CATSPERE: variants seen among roughly 807,000 people sequenced by gnomAD.
The protein encoded by CATSPERE is catsper channel auxiliary subunit epsilon.
Under a neutral mutation model 114.1 loss-of-function variants are expected in CATSPERE, and 93 were observed. That is an observed-to-expected ratio of 0.81 (90% CI 0.69 to 0.97). The LOEUF is 0.97. Ranked by LOEUF, CATSPERE falls within the 50% of genes least tolerant of loss-of-function variation. The pLI is 0.00. For missense variants in CATSPERE, 1,058 were observed against 1,131.6 expected (o/e 0.93, Z 0.93); for synonymous variants, 341 against 384.1 (o/e 0.89, Z 1.31).
intron 8 of CATSPERE, among the ~76,000 whole-genome samples, chr1:244,524,115 G>A (rs1205393485): frequency 6.6e-6 from 1 of 151,010 alleles, no homozygotes; most frequent in African/African-American, 2.5e-5. Flanking sequence ...AACCAAAACA[G>A]CATGGTATTG....
chr1:244,580,931 G>A (rs1666079403), intron 11 of CATSPERE, among the ~76,000 whole-genome samples: 1 of 152,072 alleles, frequency 6.6e-6, no homozygotes, highest in South Asian at 2.1e-4. Flanking sequence ...AACCTGGGAG[G>A]TGGAGGTTGT....
intron 12 of CATSPERE, among the ~76,000 whole-genome samples, chr1:244,582,509 T>G (rs1666339192): frequency 6.6e-6 from 1 of 152,030 alleles, no homozygotes; most frequent in Non-Finnish European, 1.5e-5. Flanking sequence ...TTCAAGTGAT[T>G]CTCCTGCCTC....
intron 13 of CATSPERE, among the ~76,000 whole-genome samples, chr1:244,584,201 A>ACT (rs1361937868): frequency 2.0e-5 from 3 of 152,108 alleles, no homozygotes; most frequent in Admixed American, 6.6e-5. Context: ...TTGTATGCCT[A>ACT]CTCTGTTTCT....
intron 7 of CATSPERE, among the ~76,000 whole-genome samples, chr1:244,508,831 TAA>T (rs960028586): frequency 2.8e-4 from 32 of 114,204 alleles, no homozygotes; most frequent in Admixed American, 5.5e-4. Flanking sequence ...ACCCTATCTC[TAA>T]AAAAAAAAAA....
At chr1:244,626,485 CAAA>C (rs35687880) in intron 20 of CATSPERE, among the ~76,000 whole-genome samples, 22 of 66,874 alleles carry the variant, frequency 3.3e-4, no homozygotes, top group African/African-American at 8.2e-4. Flanking sequence ...AATTCCATCT[CAAA>C]AAAAAAAAAA....
intron 8 of CATSPERE, among the ~76,000 whole-genome samples, chr1:244,542,966 AGTATTGGTAAAG>A (rs1171161094): frequency 1.3e-5 from 2 of 152,236 alleles, no homozygotes; most frequent in Non-Finnish European, 2.9e-5. Context: ...AAAGATAAGA[AGTATTGGTAAAG>A]ATGTGGATAA....
intron 5 of CATSPERE, among the ~76,000 whole-genome samples, chr1:244,481,312 G>A (rs1032957514): frequency 6.6e-5 from 10 of 152,086 alleles, no homozygotes; most frequent in African/African-American, 1.2e-4. Flanking sequence ...TTAGCCAGAT[G>A]TGGTGGCGGG....
intron 2 of CATSPERE, among the ~76,000 whole-genome samples, chr1:244,468,466 T>A (rs1398054276): frequency 6.6e-6 from 1 of 152,172 alleles, no homozygotes; most frequent in Non-Finnish European, 1.5e-5. Context: ...GCAGAAATGG[T>A]CCATCTTTAA....
At chr1:244,598,028 G>A (rs957929936) in intron 17 of CATSPERE, among the ~76,000 whole-genome samples, 7 of 152,120 alleles carry the variant, frequency 4.6e-5, no homozygotes, top group African/African-American at 1.4e-4. Context: ...GAACATGTGA[G>A]TCTTGCTTGG....
chr1:244,638,467 A>C (rs982080941), intron 21 of CATSPERE, among the ~76,000 whole-genome samples: 1 of 152,200 alleles, frequency 6.6e-6, no homozygotes, highest in African/African-American at 2.4e-5. Context: ...CCTGAGGCTC[A>C]GTCCTGTCCT....
In CATSPERE at chr1:244,560,718, C is replaced by G; in HGVS notation, c.1080C>G (p.Tyr360Ter). 1 of 1,613,588 alleles carries G rather than the reference C, an allele frequency of 6.2e-7. No individual in the cohort carries two copies. Among genetic ancestry groups the G allele is most frequent in the Non-Finnish European group, 8.5e-7 (1 of 1,179,832 alleles). Reference sequence around the variant, plus strand: ...CAGTCTGGACAGAAAATGAAATTTACCTCGGATCCATTCTTCTTAAGTTTG... The same window carrying G: ...CAGTCTGGACAGAAAATGAAATTTAGCTCGGATCCATTCTTCTTAAGTTTG... ...TFAVWTENEI[Y>*]LGSILLKFAR... The change falls in exon 10 of 22, where the codon TAC becomes TAG. Residue 360 changes from tyrosine to a stop codon, truncating the protein, a stop_gained. Coordinates refer to ENST00000366534, the MANE Select transcript of CATSPERE (RefSeq NM_001130957.2). LOFTEE classifies it high-confidence loss of function.
intron 17 of CATSPERE, among the ~76,000 whole-genome samples, chr1:244,604,783 C>G (rs1001992928): frequency 1.3e-5 from 2 of 152,214 alleles, no homozygotes; most frequent in Non-Finnish European, 2.9e-5. Flanking sequence ...AAGAATTGAA[C>G]TTTTAGCTCT....
At chr1:244,599,056 C>T (rs770836300) in intron 17 of CATSPERE, among the ~76,000 whole-genome samples, 1 of 152,134 alleles carries the variant, frequency 6.6e-6, no homozygotes, top group South Asian at 2.1e-4. Flanking sequence ...GGTTTGCCGC[C>T]GTGTCTGGGA....
intron 11 of CATSPERE, among the ~76,000 whole-genome samples, chr1:244,577,833 AAC>A (rs1665524984): frequency 6.6e-6 from 1 of 152,250 alleles, no homozygotes; most frequent in Non-Finnish European, 1.5e-5. Flanking sequence ...ACACATAAAT[AAC>A]AAACAAAAAG....
chr1:244,604,617 G>A (rs751259468), intron 17 of CATSPERE, among the ~76,000 whole-genome samples: 5 of 152,232 alleles, frequency 3.3e-5, no homozygotes, highest in Non-Finnish European at 7.3e-5. Flanking sequence ...CAGCAGCCTC[G>A]AAGCAAGTGC....
At chr1:244,536,744 G>A (rs1164373687) in intron 8 of CATSPERE, among the ~76,000 whole-genome samples, 1 of 152,072 alleles carries the variant, frequency 6.6e-6, no homozygotes, top group Non-Finnish European at 1.5e-5. Flanking sequence ...CTTGATTTTT[G>A]GCTCTTATGA....
intron 8 of CATSPERE, among the ~76,000 whole-genome samples, chr1:244,545,795 T>C (rs1268901629): frequency 6.6e-6 from 1 of 152,208 alleles, no homozygotes; most frequent in African/African-American, 2.4e-5. Flanking sequence ...ATATACATGA[T>C]TGGGCCCTAA....
chr1:244,571,376 T>C (rs997242987), intron 10 of CATSPERE, among the ~76,000 whole-genome samples: 2 of 152,220 alleles, frequency 1.3e-5, no homozygotes, highest in Non-Finnish European at 2.9e-5. Context: ...AGTATATTCC[T>C]AGAGGCTGTA....
rs1301251085 is a variant in CATSPERE, at chr1:244,552,741, T to C, written c.956T>C (p.Ile319Thr). Reference sequence around the variant, plus strand: ...CGTGGATTTATAAGACTGGGAGGAATTGTAAATCTTCCTGATGGTGGAATT... The same window carrying C: ...CGTGGATTTATAAGACTGGGAGGAACTGTAAATCTTCCTGATGGTGGAATT... ...SFRGFIRLGG[I>T]VNLPDGGITG... Residue 319 changes from isoleucine to threonine, a missense_variant, in exon 9 of 22, where the codon ATT (isoleucine) becomes ACT (threonine). This residue lies in a region of CATSPERE where 787 missense variants were observed against 905.6 expected (regional missense o/e 0.87). Coordinates refer to ENST00000366534, the MANE Select transcript of CATSPERE (RefSeq NM_001130957.2). 3.1e-6 allele frequency: 5 copies of C among 1,613,532 alleles called. No individual in the cohort carries two copies. The South Asian group carries it at 4.4e-5, about 14-fold the overall frequency.
Sources: allele counts gnomAD v4.1 joint callset (sites outside exome capture counted in the v4.1 genomes callset), GRCh38; gene constraint gnomAD v4.1.1; regional missense constraint gnomAD v4.1.1; transcripts MANE v1.5; gene names NCBI Gene and HGNC (gene_info 2026-07-23, HGNC 2026-07-21).